The following WDR25 variants were observed in gnomAD, a reference collection of about 807,000 sequenced individuals.
The protein encoded by WDR25 is WD repeat-containing protein 25.
Under a neutral mutation model 47.7 loss-of-function variants are expected in WDR25, and 35 were observed. That is an observed-to-expected ratio of 0.73 (90% confidence interval 0.56 to 0.97). WDR25 has a LOEUF of 0.97. Among genes scored for constraint, WDR25 ranks in the 50% least tolerant of loss-of-function variants. The probability of loss-of-function intolerance (pLI) is 0.00; values close to 1 mark genes in which losing one functional copy is unlikely to be tolerated. For missense variants in WDR25, 634 were observed against 704.7 expected, an observed-to-expected ratio of 0.90 and a Z score of 1.14; for synonymous variants, 248 against 278.9, an observed-to-expected ratio of 0.89 and a Z score of 1.10.
chr14:100,381,417 C>T lies in WDR25; in HGVS notation c.493C>T (p.Gln165Ter). ...CGTAGGTAAAAATGGCAGCTCTTTT[C>T]AGAAGAAAAAATGTGAGGACTGTGT... ...ETVGKNGSSFQKKKCEDCVVP... is the reference protein window; with the variant it reads ...ETVGKNGSSF The change falls in exon 2 of 7, where the codon CAG becomes TAG. Residue 165 changes from glutamine to a stop codon, truncating the protein, a stop_gained. Transcript: ENST00000402312. LOFTEE classifies it high-confidence loss of function. 1 of 1,614,168 alleles carries T rather than the reference C, an allele frequency of 6.2e-7. No individual in the cohort carries two copies. Among genetic ancestry groups the T allele is most frequent in the Non-Finnish European group, 8.5e-7 (1 of 1,180,034 alleles).
At chr14:100,457,859 A>G (rs572396336) in intron 2 of WDR25, among the ~76,000 whole-genome samples, 2 of 152,330 alleles carry the variant, frequency 1.3e-5, no homozygotes, top group African/African-American at 4.8e-5. Context: ...TATTACTTGC[A>G]AGTAGTCTGT....
chr14:100,493,232 G>A (rs1045374955), intron 4 of WDR25, among the ~76,000 whole-genome samples: 7 of 152,156 alleles, frequency 4.6e-5, no homozygotes, highest in African/African-American at 1.4e-4. Context: ...GCAGTCGGTT[G>A]AGAACATTTT....
At chr14:100,393,487 C>T (rs1156978773) in intron 2 of WDR25, among the ~76,000 whole-genome samples, 5 of 152,026 alleles carry the variant, frequency 3.3e-5, no homozygotes, top group Non-Finnish European at 7.4e-5. Context: ...GCTGTTAGCC[C>T]GGGGGCGGAG....
intron 2 of WDR25, among the ~76,000 whole-genome samples, chr14:100,437,665 T>G (rs1898540953): frequency 6.6e-6 from 1 of 152,172 alleles, no homozygotes; most frequent in African/African-American, 2.4e-5. Flanking sequence ...ACTAGTATTA[T>G]TAGTATTAGT....
At chr14:100,501,027 C>A (rs535024998) in intron 4 of WDR25, among the ~76,000 whole-genome samples, 1 of 152,202 alleles carries the variant, frequency 6.6e-6, no homozygotes, top group Non-Finnish European at 1.5e-5. Context: ...ATTCAGCAAA[C>A]ACTAATTGAG....
In WDR25 at chr14:100,428,221, G is replaced by T. The variant is rs970880570; in HGVS notation, c.823-39800G>T. Among the ~76,000 whole-genome samples, 1 of 152,214 alleles carries T rather than the reference G, an allele frequency of 6.6e-6. No homozygotes were observed. The highest frequency in any genetic ancestry group is 2.4e-5 in the African/African-American group (1 of 41,448). ...AATTCTGTGTGCGGAGTGGAGGTGA[G>T]ATGCTGAGGCTGTGCCTCAGCCTAT... On this transcript the variant is annotated intron_variant, in intron 2 of 6. Transcript: ENST00000402312. The surrounding 1 kb of genome is among the most constrained non-coding windows in gnomAD (Gnocchi z 4.3).
At chr14:100,400,683 T>C (rs1380531474) in intron 2 of WDR25, among the ~76,000 whole-genome samples, 6 of 152,244 alleles carry the variant, frequency 3.9e-5, no homozygotes, top group African/African-American at 1.4e-4. Flanking sequence ...CAAAAGGCAC[T>C]TTCCATCTGT....
rs548200653 is a variant in WDR25, at chr14:100,388,827, G to A, written c.822+7081G>A. 2.6e-4 allele frequency among the ~76,000 whole-genome samples: 39 copies of A among 152,272 alleles called. 1 individual carries two copies. In the South Asian group the frequency reaches 7.2e-3, roughly 28 times the overall value. On this transcript the variant is annotated intron_variant, in intron 2 of 6. Transcript: ENST00000402312. ...TTAAACAGTTCAGTGTACCAAGGGC[G>A]GGGCCTTGTGCTCGCCAGAAGCTGA... is the stretch of plus-strand genomic sequence containing the variant.
At chr14:100,447,735 A>G (rs1167655467) in intron 2 of WDR25, among the ~76,000 whole-genome samples, 1 of 152,160 alleles carries the variant, frequency 6.6e-6, no homozygotes, top group African/African-American at 2.4e-5. Flanking sequence ...GAGGTAATGT[A>G]TTTCCCAGAC....
At chr14:100,436,128 C>G (rs776598979) in intron 2 of WDR25, among the ~76,000 whole-genome samples, 2 of 152,196 alleles carry the variant, frequency 1.3e-5, no homozygotes, top group Non-Finnish European at 2.9e-5. Flanking sequence ...AGCCATGTGT[C>G]TTTGGGATGT....
intron 4 of WDR25, among the ~76,000 whole-genome samples, chr14:100,514,851 T>C (rs1021642374): frequency 1.3e-5 from 2 of 152,214 alleles, no homozygotes; most frequent in African/African-American, 4.8e-5. Flanking sequence ...ATTTTCTTTG[T>C]GCCTTAAGGA....
intron 2 of WDR25, among the ~76,000 whole-genome samples, chr14:100,452,673 G>C (rs778395996): frequency 2.6e-5 from 4 of 152,146 alleles, no homozygotes; most frequent in Non-Finnish European, 4.4e-5. Context: ...CAGGTGTGAT[G>C]GGAAGCCACT....
intron 3 of WDR25, among the ~76,000 whole-genome samples, chr14:100,469,024 A>G (rs376690034): frequency 2.0e-5 from 3 of 151,854 alleles, no homozygotes; most frequent in South Asian, 2.1e-4. Context: ...CCTCCTCCCC[A>G]GAGCTCCTCG....
rs910816283 is a variant in WDR25, at chr14:100,404,340, G to A, written c.822+22594G>A. ...TCCCACGCCAGCCCGTAAGTGTAAA[G>A]CAGATGTTTGGAACCTGGGTTCTCA... On this transcript the variant is annotated intron_variant, in intron 2 of 6. Coordinates refer to ENST00000402312, the MANE Select transcript of WDR25 (RefSeq NM_001161476.3). This position sits in a 1 kb window ranked among gnomAD's most constrained non-coding sequence, Gnocchi z 4.6. 2.6e-5 allele frequency among the ~76,000 whole-genome samples: 4 copies of A among 152,244 alleles called. No homozygotes were observed. In the East Asian group the frequency reaches 7.7e-4, roughly 29 times the overall value.
intron 2 of WDR25, among the ~76,000 whole-genome samples, chr14:100,420,997 T>A (rs1898010450): frequency 6.6e-6 from 1 of 152,254 alleles, no homozygotes; most frequent in Non-Finnish European, 1.5e-5. Flanking sequence ...TTTTTATTTC[T>A]GTCTGCTGAA....
At chr14:100,463,781 C>T (rs1899509008) in intron 2 of WDR25, among the ~76,000 whole-genome samples, 1 of 152,196 alleles carries the variant, frequency 6.6e-6, no homozygotes, top group African/African-American at 2.4e-5. Context: ...GCAACTCCAC[C>T]CCTTTCAGTG....
At chr14:100,490,729 T>C (rs1900534187) in intron 4 of WDR25, among the ~76,000 whole-genome samples, 1 of 152,188 alleles carries the variant, frequency 6.6e-6, no homozygotes, top group South Asian at 2.1e-4. Flanking sequence ...AGACTGTCTT[T>C]GAGATTTGCA....
intron 2 of WDR25, among the ~76,000 whole-genome samples, chr14:100,462,765 T>C (rs960520626): frequency 6.6e-6 from 1 of 152,124 alleles, no homozygotes; most frequent in Non-Finnish European, 1.5e-5. Context: ...GAGACCACTA[T>C]GTTGCCCAAG....
chr14:100,511,243 C>T (rs1901300218), intron 4 of WDR25, among the ~76,000 whole-genome samples: 1 of 151,826 alleles, frequency 6.6e-6, no homozygotes, highest in Non-Finnish European at 1.5e-5. Flanking sequence ...AGGTCTTTCA[C>T]ATTTTTTTGT....
Sources: allele counts gnomAD v4.1 joint callset (sites outside exome capture counted in the v4.1 genomes callset), GRCh38; gene constraint gnomAD v4.1.1; non-coding constraint Gnocchi (gnomAD v3.1); transcripts MANE v1.5; gene names NCBI Gene and HGNC (gene_info 2026-07-23, HGNC 2026-07-21).